The following DCC variants were observed in gnomAD, a reference collection of about 807,000 sequenced individuals.
DCC encodes DCC netrin 1 receptor.
In DCC, 58 loss-of-function variants were observed where a neutral mutation model predicts 172.5. The observed-to-expected ratio is 0.34, with a 90% CI of 0.27 to 0.42. DCC has a LOEUF of 0.42. DCC is among the 10% of genes least tolerant of loss of function. The pLI is 1.00. For missense variants in DCC, 1,740 were observed against 1,791.0 expected (o/e 0.97, Z 0.51); for synonymous variants, 709 against 644.5 (o/e 1.10, Z -1.52).
Position 53,466,453 on chromosome 18 carries a change from T to G in DCC, c.3620-1441T>G, listed in dbSNP as rs563420075. On this transcript the variant is annotated intron_variant, in intron 24 of 28. Transcript: ENST00000442544. ...TAGAAAGTATTATTTCTCTTTGTAC[T>G]TACAGGAAATTTGAAATGTATCCTC... Among the ~76,000 whole-genome samples, 4 of 152,334 alleles carry G rather than the reference T, an allele frequency of 2.6e-5. No homozygotes were observed. The South Asian group carries it at 8.3e-4, about 32-fold the overall frequency.
chr18:52,921,902 C>G (rs994592450), intron 3 of DCC, among the ~76,000 whole-genome samples: 2 of 151,398 alleles, frequency 1.3e-5, no homozygotes, highest in Non-Finnish European at 2.9e-5. Context: ...ACATTTCTAC[C>G]GAGGAGCAGA....
chr18:53,198,030 C>T (rs1037977565), intron 9 of DCC, among the ~76,000 whole-genome samples: 11 of 152,100 alleles, frequency 7.2e-5, no homozygotes, highest in African/African-American at 2.7e-4. Context: ...TTCACAAACA[C>T]ATTTTAGCTT....
intron 1 of DCC, among the ~76,000 whole-genome samples, chr18:52,480,634 T>C (rs553279304): frequency 4.2e-4 from 64 of 152,336 alleles, no homozygotes; most frequent in Admixed American, 7.8e-4. Context: ...ACGTTGTTCC[T>C]AATAAATACT....
At chr18:53,078,283 C>T (rs1313932823) in intron 7 of DCC, among the ~76,000 whole-genome samples, 1 of 151,844 alleles carries the variant, frequency 6.6e-6, no homozygotes, top group Non-Finnish European at 1.5e-5. Context: ...AGAGCAAGAC[C>T]CTGTCTCATA....
intron 5 of DCC, among the ~76,000 whole-genome samples, chr18:52,963,654 C>CA (rs2040882306): frequency 6.6e-6 from 1 of 151,972 alleles, no homozygotes; most frequent in African/African-American, 2.4e-5. Flanking sequence ...TGGAAATGCA[C>CA]AGGGAAAAAT....
intron 1 of DCC, among the ~76,000 whole-genome samples, chr18:52,675,047 T>C (rs774033060): frequency 5.9e-5 from 9 of 152,118 alleles, no homozygotes. Context: ...TGATCCCAGA[T>C]CTTTGTTTGT....
intron 3 of DCC, among the ~76,000 whole-genome samples, chr18:52,917,407 A>G (rs1274312648): frequency 6.6e-6 from 1 of 152,168 alleles, no homozygotes; most frequent in Admixed American, 6.6e-5. Context: ...TATATCCTGT[A>G]TAATCAAAAG....
chr18:52,809,935 G>A (rs1398813724), intron 2 of DCC, among the ~76,000 whole-genome samples: 1 of 151,970 alleles, frequency 6.6e-6, no homozygotes, highest in East Asian at 1.9e-4. Flanking sequence ...TGATTGGTTG[G>A]GTGTGAGCTG....
intron 5 of DCC, among the ~76,000 whole-genome samples, chr18:53,049,159 C>A (rs954280543): frequency 6.7e-6 from 1 of 148,356 alleles, no homozygotes; most frequent in African/African-American, 2.5e-5. Flanking sequence ...TTGATAGTTT[C>A]TTTTCATGCA....
chr18:52,486,009 G>C (rs1000308240), intron 1 of DCC, among the ~76,000 whole-genome samples: 1 of 151,930 alleles, frequency 6.6e-6, no homozygotes, highest in Non-Finnish European at 1.5e-5. Flanking sequence ...TTTTATTTTA[G>C]TTTTAGAGAC....
intron 2 of DCC, among the ~76,000 whole-genome samples, chr18:52,877,902 A>T (rs1392847026): frequency 6.6e-6 from 1 of 152,142 alleles, no homozygotes; most frequent in Non-Finnish European, 1.5e-5. Context: ...TGCACCAAGT[A>T]GCACTTAAAG....
intron 15 of DCC, among the ~76,000 whole-genome samples, chr18:53,385,455 T>C (rs1908095062): frequency 6.6e-6 from 1 of 152,224 alleles, no homozygotes; most frequent in African/African-American, 2.4e-5. Context: ...TCCCCTACTT[T>C]TAACTGGACT....
At chr18:52,609,178 G>A (rs923503234) in intron 1 of DCC, among the ~76,000 whole-genome samples, 9 of 151,940 alleles carry the variant, frequency 5.9e-5, no homozygotes, top group Non-Finnish European at 1.0e-4. Context: ...CTTTTGCCGA[G>A]GTACAACATA....
chr18:52,512,929 G>A (rs1449984903), intron 1 of DCC, among the ~76,000 whole-genome samples: 1 of 152,106 alleles, frequency 6.6e-6, no homozygotes, highest in Admixed American at 6.5e-5. Context: ...ATATTAGGAA[G>A]GACTGTGTGG....
At chr18:52,382,551 C>G (rs761038040) in intron 1 of DCC, among the ~76,000 whole-genome samples, 30 of 152,034 alleles carry the variant, frequency 2.0e-4, no homozygotes, top group Non-Finnish European at 4.1e-4. Context: ...TGGACTATTG[C>G]AAGTATTTGG....
At chr18:52,360,103 A>C (rs115646042) in intron 1 of DCC, among the ~76,000 whole-genome samples, 1,964 of 152,302 alleles carry the variant, frequency 0.013, 43 homozygotes, top group African/African-American at 0.041. Flanking sequence ...AATCACATTA[A>C]TTCTTGCAAT....
chr18:52,889,071 T>C (rs1412404986), intron 2 of DCC, among the ~76,000 whole-genome samples: 1 of 152,092 alleles, frequency 6.6e-6, no homozygotes, highest in East Asian at 1.9e-4. Flanking sequence ...TCAGCACTAA[T>C]GCATTTAGAT....
chr18:52,934,556 C>T lies in DCC; in HGVS notation c.985+9186C>T, dbSNP rs537667781. Among the ~76,000 whole-genome samples the T allele has an allele frequency of 2.6e-5, 4 of 152,224 alleles. No individual in the cohort carries two copies. In the East Asian group the frequency reaches 7.7e-4, roughly 29 times the overall value. ...CATAAAATATAAATTATCTAACTTC[C>T]TATCGAAATGTTTTGTAAGCTTTCC... On this transcript the variant is annotated intron_variant, in intron 5 of 28. Coordinates refer to ENST00000442544, the MANE Select transcript of DCC (RefSeq NM_005215.4).
intron 12 of DCC, among the ~76,000 whole-genome samples, chr18:53,246,165 C>T (rs1297727615): frequency 6.6e-6 from 1 of 152,032 alleles, no homozygotes; most frequent in Non-Finnish European, 1.5e-5. Flanking sequence ...TGTTACTGGC[C>T]ACTACTGTTC....
Sources: gnomAD v4.1 joint callset for allele counts (sites outside exome capture counted in the v4.1 genomes callset) on GRCh38, gnomAD v4.1.1 for gene constraint, MANE v1.5 for transcripts, NCBI Gene and HGNC (gene_info 2026-07-23, HGNC 2026-07-21) for gene names.